Variants in RSF1 observed in about 807,000 individuals in gnomAD.
The protein encoded by RSF1 is HBV pX-associated protein 8.
In RSF1, 13 loss-of-function variants were observed where a neutral mutation model predicts 145.2. The observed-to-expected ratio is 0.09, with a 90% CI of 0.06 to 0.14. The LOEUF (loss-of-function observed/expected upper bound fraction) is 0.14, where lower values mean the gene tolerates loss of function less well. Among genes scored for constraint, RSF1 ranks in the 10% least tolerant of loss-of-function variants. RSF1 has a pLI of 1.00. For synonymous variants in RSF1, 577 were observed against 592.6 expected (o/e 0.97, Z 0.38); for missense variants, 1,517 against 1,718.2 (o/e 0.88, Z 2.07).
chr11:77,853,258 T>C, the RSF1 span, among the ~76,000 whole-genome samples: 36 of 152,338 alleles, frequency 2.4e-4, no homozygotes, highest in African/African-American at 8.4e-4. Context: ...TATAAAGAAC[T>C]ACCTGAGACT....
chr11:77,845,524 A>G, the RSF1 span, among the ~76,000 whole-genome samples: 1 of 151,910 alleles, frequency 6.6e-6, no homozygotes, highest in Non-Finnish European at 1.5e-5. Context: ...TCCGCCTCCC[A>G]GGTTCAAGCA....
chr11:77,738,498 A>G (rs1961422311), intron 4 of RSF1, among the ~76,000 whole-genome samples: 1 of 152,208 alleles, frequency 6.6e-6, no homozygotes, highest in African/African-American at 2.4e-5. Context: ...AAAGGGCTTA[A>G]GCATTTACAC....
At chr11:77,714,185 T>C (rs1590846034) in intron 5 of RSF1, among the ~76,000 whole-genome samples, 4 of 152,328 alleles carry the variant, frequency 2.6e-5, no homozygotes, top group Admixed American at 2.0e-4. Context: ...TGCCCAGCAG[T>C]TTCACATCAG....
chr11:77,858,536 C>T, the RSF1 span, among the ~76,000 whole-genome samples: 4 of 151,990 alleles, frequency 2.6e-5, no homozygotes. Flanking sequence ...GTTGCAAGCC[C>T]TGTGTTTAAA....
At chr11:77,841,114 G>T in the RSF1 span, 2 of 678,918 alleles carry the variant, frequency 2.9e-6, no homozygotes, top group South Asian at 1.5e-5. Flanking sequence ...CATGGTGGAA[G>T]CACCAAGAGA....
Position 77,702,208 on chromosome 11 carries a change from C to T in RSF1, c.1021G>A (p.Glu341Lys). The part of the protein sequence containing the change: ...ADPKDTKSSM[E>K]KPVAQEPERI... ...TCAGGCTCCTGTGCCACTGGCTTCT[C>T]CATGCTACTTTTGGTATCTTTAGGA... Residue 341 changes from glutamate to lysine, a missense_variant, in exon 6 of 16, where the codon GAG (glutamate) becomes AAG (lysine). Coordinates refer to ENST00000308488, the MANE Select transcript of RSF1 (RefSeq NM_016578.4). The T allele has an allele frequency of 6.2e-7, 1 of 1,614,026 alleles. No homozygotes were observed. The highest frequency in any genetic ancestry group is 8.5e-7 in the Non-Finnish European group (1 of 1,179,986).
At chr11:77,829,283 G>A in the RSF1 span, among the ~76,000 whole-genome samples, 3 of 152,250 alleles carry the variant, frequency 2.0e-5, no homozygotes, top group Admixed American at 6.5e-5. Context: ...AAGCCCTCAC[G>A]AGATACCAGT....
intron 11 of RSF1, among the ~76,000 whole-genome samples, chr11:77,682,492 ATAGGGTT>A (rs1256210073): frequency 5.9e-5 from 9 of 152,244 alleles, no homozygotes; most frequent in Non-Finnish European, 1.2e-4. Context: ...AGACTGGAAG[ATAGGGTT>A]TTAGAAGATA....
At chr11:77,801,057 A>G (rs2135977694) in intron 1 of RSF1, among the ~76,000 whole-genome samples, 1 of 152,302 alleles carries the variant, frequency 6.6e-6, no homozygotes, top group East Asian at 1.9e-4. Flanking sequence ...ACTCCTCCAA[A>G]ACACAGAAGA....
chr11:77,702,541 G>T (rs758201264), intron 5 of RSF1, 46 bp from the exon 6 acceptor site: 1 of 1,307,452 alleles, frequency 7.6e-7, no homozygotes, highest in Non-Finnish European at 1.0e-6. Context: ...AACTTTCAAG[G>T]CTATAAAATA....
At chr11:77,687,686 C>T (rs979504155) in intron 9 of RSF1, among the ~76,000 whole-genome samples, 2 of 151,792 alleles carry the variant, frequency 1.3e-5, no homozygotes, top group African/African-American at 4.8e-5. Flanking sequence ...GGTGACAAAG[C>T]GAGACTCTGT....
intron 8 of RSF1, among the ~76,000 whole-genome samples, chr11:77,693,288 A>C (rs1960202646): frequency 6.6e-6 from 1 of 152,236 alleles, no homozygotes; most frequent in Non-Finnish European, 1.5e-5. Context: ...AAAATCATTC[A>C]TAATTTTACA....
At chr11:77,842,702 T>C in the RSF1 span, 1 of 1,570,208 alleles carries the variant, frequency 6.4e-7, no homozygotes, top group Non-Finnish European at 8.6e-7. Flanking sequence ...CTGCAATGAC[T>C]AAGTGAAAAA....
chr11:77,810,723 A>T (rs1009868418), intron 1 of RSF1, among the ~76,000 whole-genome samples: 1 of 152,000 alleles, frequency 6.6e-6, no homozygotes, highest in African/African-American at 2.4e-5. Context: ...ACCACATCCA[A>T]CTAATTTGTA....
chr11:77,772,848 GAAAA>G (rs1161762028), intron 1 of RSF1, among the ~76,000 whole-genome samples: 2 of 85,194 alleles, frequency 2.3e-5, no homozygotes, highest in Non-Finnish European at 4.3e-5. Context: ...GCCCAAGATG[GAAAA>G]AAAAAAAAAA....
At chr11:77,725,043 G>A (rs1297039663) in intron 5 of RSF1, among the ~76,000 whole-genome samples, 5 of 152,176 alleles carry the variant, frequency 3.3e-5, no homozygotes, top group Admixed American at 3.3e-4. Flanking sequence ...ATAAGAGACA[G>A]ATAGCAGAAT....
intron 4 of RSF1, among the ~76,000 whole-genome samples, chr11:77,737,477 A>T (rs939380913): frequency 2.1e-5 from 3 of 144,940 alleles, no homozygotes; most frequent in Admixed American, 2.0e-4. Flanking sequence ...CCAAAAAACA[A>T]CAACAACAAC....
At chr11:77,734,854 T>G in intron 4 of RSF1, 1 of 1,587,564 alleles carries the variant, frequency 6.3e-7, no homozygotes. Flanking sequence ...ATGAGATTGG[T>G]GAAGAAAGTA....
chr11:77,819,075 TG>T (rs1489882033), intron 1 of RSF1, among the ~76,000 whole-genome samples: 3 of 152,360 alleles, frequency 2.0e-5, no homozygotes, highest in Admixed American at 2.0e-4. Flanking sequence ...GGTAATATTC[TG>T]AAGAACTTCA....
Sources: allele counts gnomAD v4.1 joint callset (sites outside exome capture counted in the v4.1 genomes callset), GRCh38; gene constraint gnomAD v4.1.1; transcripts MANE v1.5; gene names NCBI Gene and HGNC (gene_info 2026-07-23, HGNC 2026-07-21).